AKAP6: variants seen among roughly 807,000 people sequenced by gnomAD.
AKAP6 encodes A-kinase anchoring protein 6.
In AKAP6, 58 loss-of-function variants were observed where a neutral mutation model predicts 188.5. That is an observed-to-expected ratio of 0.31 (90% CI 0.25 to 0.38). The LOEUF (loss-of-function observed/expected upper bound fraction) is 0.38. Among genes scored for constraint, AKAP6 ranks in the 10% least tolerant of loss-of-function variants. The pLI is 1.00. For synonymous variants in AKAP6, 989 were observed against 998.6 expected, an observed-to-expected ratio of 0.99 and a Z score of 0.18; for missense variants, 2,710 against 2,740.0, an observed-to-expected ratio of 0.99 and a Z score of 0.24.
chr14:32,544,548 G>A (rs542734622), intron 3 of AKAP6, among the ~76,000 whole-genome samples: 1 of 152,264 alleles, frequency 6.6e-6, no homozygotes, highest in East Asian at 1.9e-4. Context: ...AAACACCAGT[G>A]GGAGCAGGAC....
Position 32,546,236 on chromosome 14 carries a change from C to T in AKAP6, c.1583C>T (p.Ala528Val). ...GKQAKNTKSS[A>V]VPNGELSYTS... Reference sequence around the variant, plus strand: ...CAAGCTAAAAATACAAAGAGCTCAGCAGTGCCAAATGGAGAGCTTTCTTAT... The same window carrying T: ...CAAGCTAAAAATACAAAGAGCTCAGTAGTGCCAAATGGAGAGCTTTCTTAT... Residue 528 changes from alanine (A) to valine (V), a missense_variant, in exon 4 of 14, where the codon GCA becomes GTA. By Grantham distance (64) the Ala-to-Val change is moderately conservative (BLOSUM62 0). Transcript: ENST00000280979. The T allele has an allele frequency of 6.2e-7, 1 of 1,614,164 alleles. No homozygotes were observed. The highest frequency in any genetic ancestry group is 8.5e-7 in the Non-Finnish European group (1 of 1,180,024).
chr14:32,700,969 A>G (rs1195607672), intron 9 of AKAP6, among the ~76,000 whole-genome samples: 1 of 152,212 alleles, frequency 6.6e-6, no homozygotes, highest in Non-Finnish European at 1.5e-5. Context: ...TAAGTATCCA[A>G]TTCAACTGAG....
chr14:32,585,916 G>A (rs1302549228), intron 5 of AKAP6, among the ~76,000 whole-genome samples: 1 of 152,126 alleles, frequency 6.6e-6, no homozygotes, highest in African/African-American at 2.4e-5. Context: ...GGTTGGGGCT[G>A]GGTGGTAAAG....
intron 7 of AKAP6, among the ~76,000 whole-genome samples, chr14:32,602,362 G>A (rs1206306281): frequency 5.3e-5 from 8 of 152,060 alleles, no homozygotes; most frequent in Admixed American, 2.6e-4. Flanking sequence ...AGGCATGGTG[G>A]CATGCACCTA....
At chr14:32,426,892 T>G (rs1890049535) in intron 1 of AKAP6, among the ~76,000 whole-genome samples, 1 of 152,052 alleles carries the variant, frequency 6.6e-6, no homozygotes, top group Admixed American at 6.6e-5. Flanking sequence ...GATGATTGAT[T>G]AAGTGTGTTA....
intron 11 of AKAP6, among the ~76,000 whole-genome samples, chr14:32,753,082 G>C (rs900036712): frequency 2.0e-5 from 3 of 152,112 alleles, no homozygotes; most frequent in Non-Finnish European, 2.9e-5. Flanking sequence ...GGTATTGCTG[G>C]ATCATGTGGT....
intron 2 of AKAP6, among the ~76,000 whole-genome samples, chr14:32,506,625 C>A (rs1880890936): frequency 6.6e-6 from 1 of 152,090 alleles, no homozygotes; most frequent in Non-Finnish European, 1.5e-5. Flanking sequence ...GGAGGATTGC[C>A]TGAAGCCAGG....
At chr14:32,651,386 G>A (rs375854869) in intron 7 of AKAP6, among the ~76,000 whole-genome samples, 10 of 152,156 alleles carry the variant, frequency 6.6e-5, no homozygotes, top group South Asian at 4.2e-4. Context: ...TAATTGTTGC[G>A]GATAGTCTAG....
intron 12 of AKAP6, among the ~76,000 whole-genome samples, chr14:32,791,340 G>C (rs1006247733): frequency 4.6e-5 from 7 of 152,228 alleles, no homozygotes; most frequent in Non-Finnish European, 1.0e-4. Context: ...TCTCATTGTG[G>C]TTTTGATTTG....
rs1341983292 is a variant in AKAP6 at position 32,644,524 on chromosome 14, G to A, written c.2731-33787G>A. Among the ~76,000 whole-genome samples, 6 of 152,266 alleles carry A rather than the reference G, an allele frequency of 3.9e-5. No homozygotes were observed. In the South Asian group the frequency reaches 1.2e-3, roughly 32 times the overall value. ...GAGTTTGTTTCTAGGATGTTCCTGA[G>A]AGTTCTGCTGACCTAGGAAGTAAAA... On this transcript the variant is annotated intron_variant, in intron 7 of 13. Transcript: ENST00000280979.
chr14:32,791,017 A>G (rs1475798288), intron 12 of AKAP6, among the ~76,000 whole-genome samples: 5 of 152,262 alleles, frequency 3.3e-5, no homozygotes, highest in African/African-American at 1.2e-4. Context: ...CCAGTCTATC[A>G]TTGGTGGGCA....
At chr14:32,746,198 G>C (rs2031903707) in intron 11 of AKAP6, among the ~76,000 whole-genome samples, 1 of 152,164 alleles carries the variant, frequency 6.6e-6, no homozygotes, top group East Asian at 1.9e-4. Context: ...GCGAGACCAA[G>C]TCCTCTTTAC....
At chr14:32,612,844 G>A (rs1002027755) in intron 7 of AKAP6, among the ~76,000 whole-genome samples, 8 of 152,154 alleles carry the variant, frequency 5.3e-5, no homozygotes, top group African/African-American at 1.9e-4. Flanking sequence ...ACTGGTTGAT[G>A]AAATTTGTAG....
chr14:32,499,768 A>G (rs1956992), intron 2 of AKAP6, among the ~76,000 whole-genome samples: 87,893 of 151,496 alleles, frequency 0.58, 28,180 homozygotes, highest in East Asian at 0.91. Context: ...TACATGTTTA[A>G]TTTTTCAATC....
Position 32,451,272 on chromosome 14 carries a change from A to G in AKAP6, c.324+17455A>G, listed in dbSNP as rs1331731377. Reference sequence around the variant, plus strand: ...AAAACATGAGCTTCCTAATTACTACATATTCACTTAGTGAGTTGAATAATT... The same window carrying G: ...AAAACATGAGCTTCCTAATTACTACGTATTCACTTAGTGAGTTGAATAATT... On this transcript the variant is annotated intron_variant, in intron 2 of 13. Coordinates refer to ENST00000280979, the MANE Select transcript of AKAP6 (RefSeq NM_004274.5). 2.6e-5 allele frequency among the ~76,000 whole-genome samples: 4 copies of G among 152,198 alleles called. No homozygotes were observed. In the East Asian group the frequency reaches 7.7e-4, roughly 29 times the overall value.
At chr14:32,341,525 G>A (rs545196087) in intron 1 of AKAP6, among the ~76,000 whole-genome samples, 5 of 152,298 alleles carry the variant, frequency 3.3e-5, no homozygotes, top group Admixed American at 2.0e-4. Flanking sequence ...GTGAAGTAGT[G>A]CAAAGAGCAC....
Position 32,773,865 on chromosome 14 carries a change from G to T in AKAP6, c.3560G>T (p.Arg1187Leu). The T allele has an allele frequency of 6.2e-7, 1 of 1,614,020 alleles. No homozygotes were observed. Among genetic ancestry groups the T allele is most frequent in the South Asian group, 1.1e-5 (1 of 91,082 alleles). The part of the protein sequence containing the change: ...IVMQAVQWQT[R>L]LQKKMGKESE... ...ATGCAAGCCGTCCAGTGGCAAACAC[G>T]TCTACAAAAGAAGATGGGAAAGGAA... The change falls in exon 12 of 14, where the codon CGT becomes CTT. Residue 1187 changes from arginine (R) to leucine (L), a missense_variant. Physicochemically the swap from Arg to Leu is moderately radical, Grantham distance 102 (BLOSUM62 -2). Transcript: ENST00000280979.
At chr14:32,438,085 C>T (rs542778398) in intron 2 of AKAP6, among the ~76,000 whole-genome samples, 1 of 152,224 alleles carries the variant, frequency 6.6e-6, no homozygotes, top group South Asian at 2.1e-4. Flanking sequence ...CCTTCTTTCC[C>T]CATAGACAGG....
intron 5 of AKAP6, among the ~76,000 whole-genome samples, chr14:32,594,989 C>T (rs1040640394): frequency 1.3e-5 from 2 of 152,112 alleles, no homozygotes; most frequent in African/African-American, 2.4e-5. Context: ...GCTTCTCTCA[C>T]GCACTGAGAA....
Sources: gnomAD v4.1 joint callset for allele counts (sites outside exome capture counted in the v4.1 genomes callset) on GRCh38, gnomAD v4.1.1 for gene constraint, MANE v1.5 for transcripts, NCBI Gene and HGNC (gene_info 2026-07-23, HGNC 2026-07-21) for gene names.